SNTG1: variants seen among roughly 807,000 people sequenced by gnomAD.
SNTG1 encodes syntrophin gamma 1.
Under a neutral mutation model 74.7 loss-of-function variants are expected in SNTG1, and 39 were observed. The ratio of observed to expected loss-of-function variants is 0.52; its 90% CI spans 0.40 to 0.68. The LOEUF (loss-of-function observed/expected upper bound fraction) is 0.68. Among genes scored for constraint, SNTG1 ranks in the 30% least tolerant of loss-of-function variants. The pLI is 0.00. For synonymous variants in SNTG1, 254 were observed against 217.1 expected (o/e 1.17, Z -1.49); for missense variants, 685 against 609.5 (o/e 1.12, Z -1.30).
chr8:50,714,383 A>G (rs1475829703), intron 17 of SNTG1, among the ~76,000 whole-genome samples: 2 of 150,724 alleles, frequency 1.3e-5, no homozygotes, highest in African/African-American at 2.5e-5. Context: ...CTGCTCAAGG[A>G]AATAAGAGAG....
rs77352501 is a variant in SNTG1 at position 50,569,511 on chromosome 8, C to CA, written c.810+16342dup. Among the ~76,000 whole-genome samples, 109 of 131,284 alleles carry CA rather than the reference C, an allele frequency of 8.3e-4. 2 individuals carry two copies. The highest frequency in any genetic ancestry group is 1.6e-3 in the African/African-American group (58 of 35,824). The allele number at this position is 131,284 out of a possible 152,430, so 86.1% of individuals were successfully genotyped here. On this transcript the variant is annotated intron_variant, in intron 12 of 18. Coordinates refer to ENST00000642720, the MANE Select transcript of SNTG1 (RefSeq NM_018967.5). ...CCATAAAAGCGTTGGTTTTGAAAAG[C>CA]AAAAAAAAAATCAAAAAACAAAAAA... is the stretch of plus-strand genomic sequence containing the variant.
chr8:50,266,268 T>C (rs1255922195), intron 2 of SNTG1, among the ~76,000 whole-genome samples: 4 of 152,028 alleles, frequency 2.6e-5, no homozygotes, highest in Non-Finnish European at 5.9e-5. Context: ...GAATTAAAAT[T>C]CCGAAAAATA....
In SNTG1 at chr8:50,533,121, C is replaced by A. The variant is rs767780596; in HGVS notation, c.549+2862C>A. ...CATGAAAGTCACTTGTTTTGCCAAC[C>A]AAGACCTTGGCTCTTAAGCCCCAGC... On this transcript the variant is annotated intron_variant, in intron 10 of 18. Coordinates refer to ENST00000642720, the MANE Select transcript of SNTG1 (RefSeq NM_018967.5). 2.6e-4 allele frequency among the ~76,000 whole-genome samples: 40 copies of A among 152,162 alleles called. 1 individual carries two copies. Among genetic ancestry groups the A allele is most frequent in the Non-Finnish European group, 4.7e-4 (32 of 68,030 alleles).
chr8:50,499,986 C>A (rs1053823918), intron 8 of SNTG1, among the ~76,000 whole-genome samples: 2 of 151,700 alleles, frequency 1.3e-5, no homozygotes, highest in Admixed American at 6.6e-5. Context: ...AAGTTTGTTC[C>A]TTTTTATCTT....
intron 8 of SNTG1, among the ~76,000 whole-genome samples, chr8:50,484,479 C>A (rs530668544): frequency 1.3e-5 from 2 of 151,480 alleles, no homozygotes; most frequent in Non-Finnish European, 2.9e-5. Flanking sequence ...CCTCCCAAAG[C>A]GCTGTGATTA....
intron 8 of SNTG1, among the ~76,000 whole-genome samples, chr8:50,474,519 G>T (rs368819339): frequency 2.0e-5 from 3 of 151,890 alleles, no homozygotes; most frequent in Non-Finnish European, 4.4e-5. Flanking sequence ...AATCAAAACC[G>T]CAATGAGATA....
At chr8:50,167,238 A>G (rs2082649807) in intron 1 of SNTG1, among the ~76,000 whole-genome samples, 2 of 149,064 alleles carry the variant, frequency 1.3e-5, no homozygotes, top group South Asian at 4.3e-4. Context: ...TAACCTGCAC[A>G]ATGTGCACAT....
chr8:50,388,602 A>C (rs6984454), intron 2 of SNTG1, among the ~76,000 whole-genome samples: 140,409 of 152,112 alleles, frequency 0.92, 65,395 homozygotes, highest in Non-Finnish European at 1. Flanking sequence ...ACTAACATGA[A>C]TGGGATTCAG....
chr8:50,358,157 T>A (rs1356735182), intron 2 of SNTG1, among the ~76,000 whole-genome samples: 3 of 152,184 alleles, frequency 2.0e-5, no homozygotes, highest in Non-Finnish European at 4.4e-5. Flanking sequence ...GAGCAAGGTT[T>A]CTCTCGGGAA....
At position 50,253,299 on chromosome 8, in the gene SNTG1, T is replaced by G. The variant is rs2086724039; in HGVS notation, c.-28+80664T>G. Reference sequence around the variant, plus strand: ...TTAGCCAGGCGTGGTGGCGGGCACCTGTAATCCCAGCTACTCAGGAGGCTG... The same window carrying G: ...TTAGCCAGGCGTGGTGGCGGGCACCGGTAATCCCAGCTACTCAGGAGGCTG... On this transcript the variant is annotated intron_variant, in intron 2 of 18. Coordinates refer to ENST00000642720, the MANE Select transcript of SNTG1 (RefSeq NM_018967.5). 2.6e-5 allele frequency among the ~76,000 whole-genome samples: 4 copies of G among 152,052 alleles called. No homozygotes were observed. In the South Asian group the frequency reaches 8.3e-4, roughly 32 times the overall value.
intron 1 of SNTG1, among the ~76,000 whole-genome samples, chr8:50,010,435 T>C (rs187055922): frequency 4.3e-4 from 65 of 152,304 alleles, no homozygotes; most frequent in African/African-American, 1.5e-3. Context: ...ATTCTTGTCA[T>C]AGCCATTTTT....
intron 1 of SNTG1, among the ~76,000 whole-genome samples, chr8:49,933,208 G>A (rs1807752129): frequency 6.6e-6 from 1 of 152,112 alleles, no homozygotes; most frequent in African/African-American, 2.4e-5. Context: ...CAAAGTAGCT[G>A]TACATTCCCA....
At chr8:50,411,151 A>G (rs567258935) in intron 4 of SNTG1, among the ~76,000 whole-genome samples, 1 of 152,050 alleles carries the variant, frequency 6.6e-6, no homozygotes, top group Non-Finnish European at 1.5e-5. Flanking sequence ...TGTGCAAATA[A>G]GACTAAGAAA....
At chr8:50,522,175 C>A (rs1169473289) in intron 9 of SNTG1, among the ~76,000 whole-genome samples, 3 of 152,074 alleles carry the variant, frequency 2.0e-5, no homozygotes, top group Non-Finnish European at 4.4e-5. Context: ...CCATGGGCTG[C>A]AGAATGGATT....
intron 2 of SNTG1, among the ~76,000 whole-genome samples, chr8:50,376,754 T>TAGAGAGAGAGAG (rs770555169): frequency 8.0e-4 from 80 of 100,302 alleles, no homozygotes; most frequent in Non-Finnish European, 1.4e-3. Context: ...TATATATATA[T>TAGAGAGAGAGAG]ATAGAGAGAG....
intron 1 of SNTG1, among the ~76,000 whole-genome samples, chr8:50,106,668 G>A (rs558654040): frequency 4.6e-5 from 7 of 152,230 alleles, no homozygotes; most frequent in East Asian, 3.9e-4. Context: ...TGAGATGATC[G>A]TGTGTTTCTG....
intron 4 of SNTG1, among the ~76,000 whole-genome samples, chr8:50,412,080 G>T (rs2092956737): frequency 6.6e-6 from 1 of 152,146 alleles, no homozygotes; most frequent in Admixed American, 6.5e-5. Context: ...CCCACAGAAG[G>T]ATACCTTATT....
chr8:50,477,110 A>G (rs567500761), intron 8 of SNTG1, among the ~76,000 whole-genome samples: 1 of 152,260 alleles, frequency 6.6e-6, no homozygotes, highest in Admixed American at 6.5e-5. Context: ...AGTGCAGAAC[A>G]ATTTCAAATA....
At chr8:50,072,906 T>A (rs1821499352) in intron 1 of SNTG1, among the ~76,000 whole-genome samples, 1 of 152,226 alleles carries the variant, frequency 6.6e-6, no homozygotes, top group Non-Finnish European at 1.5e-5. Flanking sequence ...TTTAAAATTA[T>A]TTATAACTAA....
Sources: allele counts gnomAD v4.1 joint callset (sites outside exome capture counted in the v4.1 genomes callset), GRCh38; gene constraint gnomAD v4.1.1; transcripts MANE v1.5; gene names NCBI Gene and HGNC (gene_info 2026-07-23, HGNC 2026-07-21).